The following LPA variants were observed in gnomAD, a reference collection of about 807,000 sequenced individuals.
LPA encodes the protein apolipoprotein(a).
Under a neutral mutation model 197.9 loss-of-function variants are expected in LPA, and 199 were observed. The observed-to-expected ratio is 1.01, with a 90% confidence interval of 0.90 to 1.13. The LOEUF is 1.13. Among genes scored for constraint, LPA ranks in the 50% most tolerant of loss-of-function variants. The pLI, the probability that LPA is intolerant of heterozygous loss-of-function variation, is 0.00. For missense variants in LPA, 1,853 were observed against 1,785.8 expected, an observed-to-expected ratio of 1.04 and a Z score of -0.68; for synonymous variants, 715 against 639.5, an observed-to-expected ratio of 1.12 and a Z score of -1.78.
chr6:160,647,146 C>A (rs140467583), intron 2 of LPA, among the ~76,000 whole-genome samples: 1 of 152,174 alleles, frequency 6.6e-6, no homozygotes, highest in Admixed American at 6.5e-5. Context: ...CTCTGCTGTC[C>A]ACAGCCACTC....
intron 19 of LPA, among the ~76,000 whole-genome samples, chr6:160,600,565 A>C (rs1053252919): frequency 6.6e-6 from 1 of 152,174 alleles, no homozygotes; most frequent in Non-Finnish European, 1.5e-5. Flanking sequence ...TGTCTACTTG[A>C]AGAAATCCCT....
intron 34 of LPA, 127 bp from the exon 35 acceptor site, chr6:160,541,308 C>T (rs975618981): frequency 2.3e-5 from 17 of 743,418 alleles, no homozygotes; most frequent in African/African-American, 3.5e-5. Flanking sequence ...AAAGGACTAC[C>T]GCCCAACGTC....
chr6:160,571,566 C>A (rs1005664033), intron 28 of LPA, among the ~76,000 whole-genome samples: 1 of 152,140 alleles, frequency 6.6e-6, no homozygotes, highest in African/African-American at 2.4e-5. Flanking sequence ...TTCAGAGATG[C>A]CCTGCCCAGA....
intron 16 of LPA, among the ~76,000 whole-genome samples, chr6:160,611,013 C>T (rs1178746968): frequency 6.6e-6 from 1 of 152,184 alleles, no homozygotes; most frequent in Admixed American, 6.5e-5. Context: ...TGACTCTCAT[C>T]TGCCTTCCTT....
At chr6:160,552,292 A>G (rs1332945738) in intron 30 of LPA, among the ~76,000 whole-genome samples, 1 of 152,104 alleles carries the variant, frequency 6.6e-6, no homozygotes, top group Non-Finnish European at 1.5e-5. Context: ...TTTTCCAAAA[A>G]AGGACTGTTG....
In LPA at chr6:160,577,217, G is replaced by A; in HGVS notation, c.4550C>T (p.Thr1517Ile). 2 of 1,613,912 alleles carry A rather than the reference G, an allele frequency of 1.2e-6. No individual in the cohort carries two copies. The highest frequency in any genetic ancestry group is 2.7e-5 in the African/African-American group (2 of 75,034). ...GRSYRGISSTTVTGRTCQSWS... is the reference protein window; with the variant it reads ...GRSYRGISSTIVTGRTCQSWS... ...AGATTGACAGGTCCTTCCTGTGACAGTGGTGGAGGATATGCCTCGATAACT... is the reference window on the plus strand; with the variant it reads ...AGATTGACAGGTCCTTCCTGTGACAATGGTGGAGGATATGCCTCGATAACT... Residue 1517 changes from threonine (T) to isoleucine (I), a missense_variant, in exon 28 of 39, where the codon ACT (threonine) becomes ATT (isoleucine). Physicochemically the swap from Thr to Ile is moderately conservative, Grantham distance 89. Transcript: ENST00000316300.
chr6:160,660,886 A>G (rs1429718476), intron 1 of LPA, among the ~76,000 whole-genome samples: 1 of 152,210 alleles, frequency 6.6e-6, no homozygotes, highest in Non-Finnish European at 1.5e-5. Context: ...AGGTGTTGAT[A>G]GGCATCCAGA....
At chr6:160,583,450 T>C (rs778989135) in intron 26 of LPA, among the ~76,000 whole-genome samples, 1 of 152,140 alleles carries the variant, frequency 6.6e-6, no homozygotes, top group Non-Finnish European at 1.5e-5. Context: ...TCCTGAAGTA[T>C]GGTTTTTTGG....
chr6:160,646,867 A>C (rs1348687037), intron 2 of LPA, among the ~76,000 whole-genome samples: 3 of 148,538 alleles, frequency 2.0e-5, no homozygotes, highest in Non-Finnish European at 4.5e-5. Flanking sequence ...GTAGTTCTTC[A>C]GAGAAAACAT....
At chr6:160,610,498 C>A (rs553332863) in intron 16 of LPA, among the ~76,000 whole-genome samples, 2 of 152,152 alleles carry the variant, frequency 1.3e-5, no homozygotes, top group Non-Finnish European at 2.9e-5. Context: ...TCTCTATCTT[C>A]TTAATTGAGC....
intron 28 of LPA, among the ~76,000 whole-genome samples, chr6:160,567,430 T>C (rs1778477470): frequency 1.3e-5 from 2 of 152,072 alleles, no homozygotes; most frequent in African/African-American, 2.4e-5. Context: ...GAAATAAAGA[T>C]ATTCTTTGAA....
chr6:160,653,563 G>C (rs1780042953), intron 1 of LPA, among the ~76,000 whole-genome samples: 1 of 151,788 alleles, frequency 6.6e-6, no homozygotes, highest in African/African-American at 2.4e-5. Context: ...AAAACCCCTG[G>C]ACCAGAGAGA....
chr6:160,541,510 C>T (rs762060115), intron 34 of LPA, among the ~76,000 whole-genome samples: 1 of 152,186 alleles, frequency 6.6e-6, no homozygotes, highest in Non-Finnish European at 1.5e-5. Flanking sequence ...ACAAAAGTGA[C>T]CAGCCCAAGA....
At chr6:160,568,439 C>T (rs551246818) in intron 28 of LPA, among the ~76,000 whole-genome samples, 9 of 152,328 alleles carry the variant, frequency 5.9e-5, no homozygotes, top group Admixed American at 5.2e-4. Context: ...AATTCAACAG[C>T]TCTCCATGCT....
chr6:160,536,871 T>A lies in LPA; in HGVS notation c.5842+984A>T, dbSNP rs576951391. On this transcript the variant is annotated intron_variant, in intron 37 of 38. Coordinates refer to ENST00000316300, the MANE Select transcript of LPA (RefSeq NM_005577.4). ...TGAAATTATCTAAACCTGTGGTTTT[T>A]AATCTTTTTAAAAACACAAAAAACA... Among the ~76,000 whole-genome samples the A allele has an allele frequency of 6.6e-5, 10 of 152,366 alleles. No individual in the cohort carries two copies. In the East Asian group the frequency reaches 1.7e-3, roughly 26 times the overall value.
intron 1 of LPA, among the ~76,000 whole-genome samples, chr6:160,654,020 A>ATT (rs1554243819): frequency 1.1e-3 from 4 of 3,768 alleles, no homozygotes; most frequent in African/African-American, 2.6e-3. Flanking sequence ...TATTATATAT[A>ATT]ATATATAATA....
chr6:160,539,810 A>G (rs1777951518), intron 36 of LPA, among the ~76,000 whole-genome samples: 1 of 147,944 alleles, frequency 6.8e-6, no homozygotes, highest in Admixed American at 6.8e-5. Flanking sequence ...TTTACGGGTA[A>G]CAGGGTATCT....
chr6:160,648,775 G>C (rs1486014054), intron 2 of LPA, among the ~76,000 whole-genome samples: 2 of 151,984 alleles, frequency 1.3e-5, no homozygotes, highest in South Asian at 2.1e-4. Flanking sequence ...TACTCTTACT[G>C]TCTCTGGATA....
chr6:160,534,710 T>A (rs1403702426), intron 37 of LPA, among the ~76,000 whole-genome samples: 1 of 152,126 alleles, frequency 6.6e-6, no homozygotes, highest in South Asian at 2.1e-4. Flanking sequence ...CTCCTCCTGG[T>A]CTAGTTGGTG....
Sources: gnomAD v4.1 joint callset for allele counts (sites outside exome capture counted in the v4.1 genomes callset) on GRCh38, gnomAD v4.1.1 for gene constraint, MANE v1.5 for transcripts, NCBI Gene and HGNC (gene_info 2026-07-23, HGNC 2026-07-21) for gene names.